MYOM2: variants seen among roughly 807,000 people sequenced by gnomAD.
The protein encoded by MYOM2 is myomesin 2.
MYOM2 carries 254 observed loss-of-function variants against 187.6 expected under a neutral mutation model. That is an observed-to-expected ratio of 1.35 (90% CI 1.22 to 1.50). The LOEUF (loss-of-function observed/expected upper bound fraction) is 1.50. Ranked by LOEUF, MYOM2 falls within the 40% of genes most tolerant of loss-of-function variation. MYOM2 has a pLI of 0.00. For missense variants in MYOM2, 2,796 were observed against 1,924.0 expected (o/e 1.45, Z -8.48); for synonymous variants, 981 against 753.8 (o/e 1.30, Z -4.94).
intron 15 of MYOM2, among the ~76,000 whole-genome samples, chr8:2,092,033 GC>G (rs1265513262): frequency 6.6e-6 from 1 of 151,472 alleles, no homozygotes; most frequent in Non-Finnish European, 1.5e-5. Flanking sequence ...TACCCGGGTA[GC>G]CTCATCCCTG....
At chr8:2,049,189 G>A (rs921770908) in intron 1 of MYOM2, among the ~76,000 whole-genome samples, 1 of 152,166 alleles carries the variant, frequency 6.6e-6, no homozygotes, top group Non-Finnish European at 1.5e-5. Flanking sequence ...TCCCAGGGTG[G>A]GGTGGTTGGT....
At chr8:2,124,140 T>C (rs1240510467) in intron 30 of MYOM2, 39 bp from the exon 31 acceptor site, 1 of 1,589,614 alleles carries the variant, frequency 6.3e-7, no homozygotes, top group Non-Finnish European at 8.6e-7. Context: ...TCGGTTAAAG[T>C]TACATGTCGT....
chr8:2,050,508 A>C (rs954337336), intron 1 of MYOM2, among the ~76,000 whole-genome samples: 2 of 152,262 alleles, frequency 1.3e-5, no homozygotes, highest in Non-Finnish European at 2.9e-5. Flanking sequence ...CAATGAAATG[A>C]AACAGCAGCC....
intron 21 of MYOM2, among the ~76,000 whole-genome samples, chr8:2,105,231 T>C (rs1295479407): frequency 6.6e-6 from 1 of 152,198 alleles, no homozygotes; most frequent in Admixed American, 6.5e-5. Context: ...GTAAAGATCC[T>C]GATGGCTGTC....
intron 13 of MYOM2, 181 bp from the exon 14 acceptor site, chr8:2,085,082 A>T: frequency 1.5e-6 from 1 of 653,044 alleles, no homozygotes; most frequent in Non-Finnish European, 2.6e-6. Context: ...TAACTGGCTG[A>T]TCTTTATTGG....
At position 2,116,030 on chromosome 8, in the gene MYOM2, A is replaced by T; in HGVS notation, c.3251A>T (p.Asn1084Ile). The change falls in exon 26 of 37, where the codon AAT (asparagine) becomes ATT (isoleucine). Residue 1084 changes from asparagine to isoleucine, a missense_variant. Coordinates refer to ENST00000262113, the MANE Select transcript of MYOM2 (RefSeq NM_003970.4). ...EMVMDRFSIE[N>I]EGTYTVQIHD... ...GTGATGGATCGATTTAGTATTGAAA[A>T]TGAGGGGACCTACACTGTGCAGATT... is the stretch of plus-strand genomic sequence containing the variant. The T allele has an allele frequency of 6.2e-7, 1 of 1,614,050 alleles. No individual in the cohort carries two copies.
At chr8:2,143,362 C>T (rs372504374) in intron 35 of MYOM2, 39 bp from the exon 36 acceptor site, 310 of 1,613,512 alleles carry the variant, frequency 1.9e-4, no homozygotes, top group Non-Finnish European at 2.4e-4. Flanking sequence ...GGGAACGTCC[C>T]GCAGATGTTT....
intron 1 of MYOM2, among the ~76,000 whole-genome samples, chr8:2,048,982 G>A (rs1330165716): frequency 1.3e-5 from 2 of 151,778 alleles, no homozygotes; most frequent in Non-Finnish European, 2.9e-5. Flanking sequence ...TAGTAGAGAC[G>A]GGGTTTCACC....
intron 1 of MYOM2, among the ~76,000 whole-genome samples, chr8:2,045,474 G>T (rs1051836466): frequency 6.6e-6 from 1 of 152,210 alleles, no homozygotes. Flanking sequence ...GGCCCCAGGG[G>T]GCCCCCCAGT....
Position 2,052,352 on chromosome 8 carries a change from G to T in MYOM2, c.263+39G>T, listed in dbSNP as rs370900166. ...TTCCCTGACTCCACTTGTGCCCTGC[G>T]TGGGGTCACAGTGGAGGGACAGTGG... On this transcript the variant is annotated intron_variant, in intron 3 of 36. Coordinates refer to ENST00000262113, the MANE Select transcript of MYOM2 (RefSeq NM_003970.4). 122 of 1,561,728 alleles carry T rather than the reference G, an allele frequency of 7.8e-5. 2 individuals carry two copies. The South Asian group carries it at 9.8e-4, about 13-fold the overall frequency.
chr8:2,057,093 G>A (rs555075175), intron 3 of MYOM2, among the ~76,000 whole-genome samples: 1 of 152,254 alleles, frequency 6.6e-6, no homozygotes, highest in South Asian at 2.1e-4. Flanking sequence ...GTTGGGGCAG[G>A]CACTTCCTGT....
chr8:2,109,539 C>A lies in MYOM2; in HGVS notation c.3180+8C>A, dbSNP rs1311297547. 5.0e-6 allele frequency: 8 copies of A among 1,603,676 alleles called. No individual in the cohort carries two copies. The highest frequency in any genetic ancestry group is 6.8e-6 in the Non-Finnish European group (8 of 1,176,072). On this transcript the variant is annotated splice_region_variant and intron_variant, in intron 25 of 36. Coordinates refer to ENST00000262113, the MANE Select transcript of MYOM2 (RefSeq NM_003970.4). ...GAAGTCTCTGACAGCGAGGTGAGTT[C>A]CTGTGTGAGTGATCTCTGGCTTTGC...
At position 2,062,167 on chromosome 8, in the gene MYOM2, C is replaced by T. The variant is rs573882806; in HGVS notation, c.653+2922C>T. Among the ~76,000 whole-genome samples, 3 of 152,252 alleles carry T rather than the reference C, an allele frequency of 2.0e-5. No individual in the cohort carries two copies. In the East Asian group the frequency reaches 5.8e-4, roughly 30 times the overall value. Reference sequence around the variant, plus strand: ...GGGGGGTTGGCAGGGGACAAGCTGTCACAGGCATAGCCAGTGGCCCTGCAG... The same window carrying T: ...GGGGGGTTGGCAGGGGACAAGCTGTTACAGGCATAGCCAGTGGCCCTGCAG... On this transcript the variant is annotated intron_variant, in intron 6 of 36. Transcript: ENST00000262113.
At chr8:2,089,224 T>C (rs180850455) in intron 14 of MYOM2, among the ~76,000 whole-genome samples, 1 of 151,970 alleles carries the variant, frequency 6.6e-6, no homozygotes, top group Non-Finnish European at 1.5e-5. Flanking sequence ...ATAAAACATG[T>C]AATCAAGGTT....
chr8:2,046,732 C>T (rs1250105739), intron 1 of MYOM2, among the ~76,000 whole-genome samples: 2 of 145,530 alleles, frequency 1.4e-5, no homozygotes, highest in African/African-American at 5.0e-5. Flanking sequence ...TGCTTTCTTT[C>T]TCTCTCTCTT....
rs775590687 is a variant in MYOM2, at chr8:2,116,110, C to A, written c.3325+6C>A. On this transcript the variant is annotated splice_donor_region_variant and intron_variant, in intron 26 of 36. Coordinates refer to ENST00000262113, the MANE Select transcript of MYOM2 (RefSeq NM_003970.4). Reference sequence around the variant, plus strand: ...TCTAGTTCTTATTGGAGATGGTATGCTATATCGAATATTTCCACGTCCATA... The same window carrying A: ...TCTAGTTCTTATTGGAGATGGTATGATATATCGAATATTTCCACGTCCATA... 1 of 1,570,966 alleles carries A rather than the reference C, an allele frequency of 6.4e-7. No homozygotes were observed. The highest frequency in any genetic ancestry group is 8.6e-7 in the Non-Finnish European group (1 of 1,167,694).
intron 6 of MYOM2, among the ~76,000 whole-genome samples, chr8:2,066,643 G>A (rs560858262): frequency 9.2e-5 from 14 of 152,316 alleles, no homozygotes; most frequent in African/African-American, 2.9e-4. Flanking sequence ...CTTCCACCGC[G>A]GACCCCAGTC....
chr8:2,073,458 CGGG>C lies in MYOM2; in HGVS notation c.1080_1082del (p.Gly362del). On this transcript the variant is annotated inframe_deletion, in exon 10 of 37. Transcript: ENST00000262113. Reference sequence around the variant, plus strand: ...CCTGTACACCCTGCGCATCGTGTCTCGGGGCGGCGTCAGCGACCACAGCGCCTT... The same window carrying C: ...CCTGTACACCCTGCGCATCGTGTCTCGCGGCGTCAGCGACCACAGCGCCTT... The C allele has an allele frequency of 6.2e-7, 1 of 1,610,340 alleles. No individual in the cohort carries two copies. The highest frequency in any genetic ancestry group is 8.5e-7 in the Non-Finnish European group (1 of 1,179,516).
rs572901199 is a variant in MYOM2 at position 2,057,998 on chromosome 8, GTTTTTTTTTTTTTTTTTTTTT to G, written c.560+236_560+256del. 5.4e-3 allele frequency among the ~76,000 whole-genome samples: 437 copies of G among 80,736 alleles called. 7 individuals carry two copies. The highest frequency in any genetic ancestry group is 0.019 in the African/African-American group (391 of 20,874). 53.0% of individuals were successfully genotyped at this position (80,736 alleles called of 152,430 possible). ...ATTGAGTCAACAAATTTTTCAGAGG[GTTTTTTTTTTTTTTTTTTTTT>G]TTTTTTTTTTTTTTTTTGAGATGGA... On this transcript the variant is annotated intron_variant, in intron 5 of 36. Coordinates refer to ENST00000262113, the MANE Select transcript of MYOM2 (RefSeq NM_003970.4).
Sources: allele counts gnomAD v4.1 joint callset (sites outside exome capture counted in the v4.1 genomes callset), GRCh38; gene constraint gnomAD v4.1.1; transcripts MANE v1.5; gene names NCBI Gene and HGNC (gene_info 2026-07-23, HGNC 2026-07-21).